Variants in DLG2 observed in about 807,000 individuals in gnomAD.
DLG2 encodes the protein discs large MAGUK scaffold protein 2.
In DLG2, 45 loss-of-function variants were observed where a neutral mutation model predicts 132.5. The observed-to-expected ratio is 0.34, with a 90% CI of 0.27 to 0.44. The LOEUF (loss-of-function observed/expected upper bound fraction) is 0.44, where lower values mean the gene tolerates loss of function less well. Among genes scored for constraint, DLG2 ranks in the 20% least tolerant of loss-of-function variants. The probability of loss-of-function intolerance (pLI) is 1.00; values close to 1 mark genes in which losing one functional copy is unlikely to be tolerated. For missense variants in DLG2, 1,045 were observed against 1,196.9 expected (o/e 0.87, Z 1.87); for synonymous variants, 424 against 419.6 (o/e 1.01, Z -0.13).
chr11:84,885,189 T>C (rs1025796472), intron 6 of DLG2, among the ~76,000 whole-genome samples: 1 of 152,104 alleles, frequency 6.6e-6, no homozygotes, highest in Admixed American at 6.6e-5. Context: ...GCAAAGGTTG[T>C]TTGCATACTG....
intron 8 of DLG2, chr11:84,166,888 C>A: frequency 1.9e-6 from 1 of 532,102 alleles, no homozygotes; most frequent in Non-Finnish European, 3.9e-6. Flanking sequence ...AATTCCTTTT[C>A]CTCAAAAGAG....
In DLG2 at chr11:84,468,141, T is replaced by G. The variant is rs138960413; in HGVS notation, c.519+66429A>C. ...ATGGTGAGCAGATTCTCCATAAATG[T>G]TATTTTACTCTTTTCATCTTTCATA... On this transcript the variant is annotated intron_variant, in intron 7 of 27. Transcript: ENST00000376104. Among the ~76,000 whole-genome samples, 5 of 151,630 alleles carry G rather than the reference T, an allele frequency of 3.3e-5. No individual in the cohort carries two copies. The South Asian group carries it at 6.2e-4, about 19-fold the overall frequency.
chr11:84,974,019 T>C (rs1250660995), intron 6 of DLG2, among the ~76,000 whole-genome samples: 1 of 152,194 alleles, frequency 6.6e-6, no homozygotes, highest in Admixed American at 6.5e-5. Context: ...TGAAAGTAGA[T>C]AGTCCCATTT....
chr11:84,012,880 C>T (rs780463782), intron 11 of DLG2, among the ~76,000 whole-genome samples: 3 of 152,100 alleles, frequency 2.0e-5, no homozygotes, highest in Non-Finnish European at 4.4e-5. Context: ...TACTTAAATA[C>T]ACTGTAACCA....
chr11:84,006,409 T>C (rs1460849482), intron 11 of DLG2, among the ~76,000 whole-genome samples: 2 of 151,584 alleles, frequency 1.3e-5, no homozygotes, highest in African/African-American at 4.8e-5. Context: ...AACAATGTAT[T>C]GTACATTTCA....
chr11:85,265,160 T>G (rs575472138), intron 4 of DLG2, among the ~76,000 whole-genome samples: 1 of 152,200 alleles, frequency 6.6e-6, no homozygotes, highest in Non-Finnish European at 1.5e-5. Flanking sequence ...TCCTATCATA[T>G]GGACAAATGC....
At chr11:84,742,000 A>G (rs1597082464) in intron 6 of DLG2, among the ~76,000 whole-genome samples, 1 of 152,112 alleles carries the variant, frequency 6.6e-6, no homozygotes, top group East Asian at 1.9e-4. Flanking sequence ...CAGGAATTCT[A>G]TAACTGAAGA....
rs562767406 is a variant in DLG2 at position 85,581,357 on chromosome 11, A to G, written c.40+17300T>C. Among the ~76,000 whole-genome samples, 118 of 152,222 alleles carry G rather than the reference A, an allele frequency of 7.8e-4. No individual in the cohort carries two copies. The Middle Eastern group carries it at 0.02, about 26-fold the overall frequency. On this transcript the variant is annotated intron_variant, in intron 3 of 27. Coordinates refer to ENST00000376104, the MANE Select transcript of DLG2 (RefSeq NM_001142699.3). The stretch of plus-strand genomic sequence containing the variant: ...GCCAGGCACAGTGGCTCATGCCTGT[A>G]ATCCTCGCACTTTCAGAGGCCGAGG...
At chr11:84,634,980 C>T (rs2099638213) in intron 6 of DLG2, among the ~76,000 whole-genome samples, 1 of 152,176 alleles carries the variant, frequency 6.6e-6, no homozygotes, top group Non-Finnish European at 1.5e-5. Flanking sequence ...TCCAGAAGTT[C>T]CTCAGAAAAG....
intron 6 of DLG2, among the ~76,000 whole-genome samples, chr11:84,957,209 G>C (rs7127826): frequency 0.42 from 63,958 of 151,958 alleles, 14,701 homozygotes; most frequent in East Asian, 0.64. Context: ...AGACTTGCTG[G>C]CTCCAGAATC....
At chr11:84,156,498 T>C (rs1020992262) in intron 9 of DLG2, among the ~76,000 whole-genome samples, 2 of 152,150 alleles carry the variant, frequency 1.3e-5, no homozygotes, top group African/African-American at 4.8e-5. Context: ...ATTCCTCCCA[T>C]CCTCACTGAA....
chr11:84,395,680 C>T (rs2098808515), intron 7 of DLG2, among the ~76,000 whole-genome samples: 1 of 152,178 alleles, frequency 6.6e-6, no homozygotes, highest in African/African-American at 2.4e-5. Context: ...TTGTCTGGTA[C>T]TTTGAAGGAA....
At chr11:84,612,596 C>T (rs2099597311) in intron 6 of DLG2, among the ~76,000 whole-genome samples, 1 of 151,882 alleles carries the variant, frequency 6.6e-6, no homozygotes, top group Admixed American at 6.6e-5. Context: ...TACATTAAAG[C>T]TAGAGTGGTA....
intron 5 of DLG2, among the ~76,000 whole-genome samples, chr11:85,129,706 G>A (rs974519379): frequency 6.6e-5 from 10 of 152,232 alleles, no homozygotes; most frequent in South Asian, 6.2e-4. Flanking sequence ...CCATTACTGT[G>A]TATATACCCA....
At chr11:84,284,344 T>TTTATAAGGGGAA (rs1206019263) in intron 7 of DLG2, among the ~76,000 whole-genome samples, 2 of 152,202 alleles carry the variant, frequency 1.3e-5, no homozygotes, top group Non-Finnish European at 2.9e-5. Flanking sequence ...AATGCCATAT[T>TTTATAAGGGGAA]TTATAAGGGG....
At chr11:84,466,398 A>G (rs11234040) in intron 7 of DLG2, among the ~76,000 whole-genome samples, 12,295 of 151,334 alleles carry the variant, frequency 0.081, 528 homozygotes, top group South Asian at 0.16. Context: ...CACAAACACA[A>G]AGATCTGATC....
intron 7 of DLG2, among the ~76,000 whole-genome samples, chr11:84,271,167 C>T (rs114761267): frequency 0.011 from 1,699 of 152,200 alleles, 38 homozygotes; most frequent in African/African-American, 0.039. Context: ...AAAAGAAGCT[C>T]TCATGAAATT....
rs57058565 is a variant in DLG2, at chr11:85,463,162, C to T, written c.40+135495G>A. ...GACAGCCCTAACAGACTAATATATT[C>T]CCTAAGATGGGGAATCATTTTATTT... On this transcript the variant is annotated intron_variant, in intron 3 of 27. Coordinates refer to ENST00000376104, the MANE Select transcript of DLG2 (RefSeq NM_001142699.3). 9.6e-3 allele frequency among the ~76,000 whole-genome samples: 1,463 copies of T among 152,242 alleles called. 20 individuals carry two copies. Among genetic ancestry groups the T allele is most frequent in the African/African-American group, 0.033 (1,380 of 41,526 alleles).
intron 3 of DLG2, among the ~76,000 whole-genome samples, chr11:85,423,236 C>T (rs984271952): frequency 6.6e-6 from 1 of 152,196 alleles, no homozygotes; most frequent in Non-Finnish European, 1.5e-5. Flanking sequence ...CCCAGCAAGT[C>T]TACCAAGTAC....
Sources: gnomAD v4.1 joint callset for allele counts (sites outside exome capture counted in the v4.1 genomes callset) on GRCh38, gnomAD v4.1.1 for gene constraint, MANE v1.5 for transcripts, NCBI Gene and HGNC (gene_info 2026-07-23, HGNC 2026-07-21) for gene names.